SRRM4: variants seen among roughly 807,000 people sequenced by gnomAD.
The protein encoded by SRRM4 is serine/arginine repetitive matrix 4, also known as serine/arginine repetitive matrix protein 4.
In SRRM4, 33 loss-of-function variants were observed where a neutral mutation model predicts 68.9. That is an observed-to-expected ratio of 0.48 (90% CI 0.36 to 0.64). The LOEUF (loss-of-function observed/expected upper bound fraction) is 0.64. Ranked by LOEUF, SRRM4 falls within the 30% of genes least tolerant of loss-of-function variation. SRRM4 has a pLI of 0.00. For missense variants in SRRM4, 817 were observed against 827.1 expected (o/e 0.99, Z 0.15); for synonymous variants, 318 against 318.8 (o/e 1.00, Z 0.03).
Position 119,147,260 on chromosome 12 carries a change from C to T in SRRM4, c.1076+1575C>T, listed in dbSNP as rs145739869. ...CAACTGTATGACATTCTGGAAAAGGCAAAACTATGGAGAAAGTACAAAGAT... is the reference window on the plus strand; with the variant it reads ...CAACTGTATGACATTCTGGAAAAGGTAAAACTATGGAGAAAGTACAAAGAT... On this transcript the variant is annotated intron_variant, in intron 9 of 12. Transcript: ENST00000267260. Among the ~76,000 whole-genome samples the T allele has an allele frequency of 2.2e-3, 332 of 152,232 alleles. 3 individuals carry two copies. Among genetic ancestry groups the T allele is most frequent in the African/African-American group, 7.7e-3 (320 of 41,536 alleles).
rs1294250259 is a variant in SRRM4, at chr12:119,072,034, G to A, written c.132-30202G>A. On this transcript the variant is annotated intron_variant, in intron 1 of 12. Coordinates refer to ENST00000267260, the MANE Select transcript of SRRM4 (RefSeq NM_194286.4). ...ATTGCCTCTGCCACTTACCAAATGGGACGCTGTCAGCTTCTCCAAGGCTCA... is the reference window on the plus strand; with the variant it reads ...ATTGCCTCTGCCACTTACCAAATGGAACGCTGTCAGCTTCTCCAAGGCTCA... Among the ~76,000 whole-genome samples the A allele has an allele frequency of 4.6e-5, 7 of 152,174 alleles. 1 individual carries two copies. The highest frequency in any genetic ancestry group is 7.3e-5 in the Non-Finnish European group (5 of 68,042).
intron 1 of SRRM4, among the ~76,000 whole-genome samples, chr12:118,991,157 T>C (rs1953314447): frequency 6.6e-6 from 1 of 152,194 alleles, no homozygotes; most frequent in Non-Finnish European, 1.5e-5. Flanking sequence ...CTCTAGCCTC[T>C]TCATGGTCCA....
intron 1 of SRRM4, among the ~76,000 whole-genome samples, chr12:119,013,481 A>AC (rs760851124): frequency 5.0e-4 from 76 of 151,934 alleles, no homozygotes; most frequent in Non-Finnish European, 9.3e-4. Context: ...GTATTAAAAA[A>AC]CCCCAAAATT....
At chr12:119,077,275 G>A (rs1411628243) in intron 1 of SRRM4, among the ~76,000 whole-genome samples, 1 of 152,066 alleles carries the variant, frequency 6.6e-6, no homozygotes, top group Non-Finnish European at 1.5e-5. Flanking sequence ...CAAATCCTGG[G>A]GTCTGATGTG....
intron 1 of SRRM4, among the ~76,000 whole-genome samples, chr12:119,043,244 A>G (rs1036533148): frequency 6.6e-6 from 1 of 152,172 alleles, no homozygotes; most frequent in Non-Finnish European, 1.5e-5. Context: ...TTGCAGGGCC[A>G]TGGATGGAGC....
chr12:119,052,973 G>A (rs1953754413), intron 1 of SRRM4, among the ~76,000 whole-genome samples: 1 of 152,230 alleles, frequency 6.6e-6, no homozygotes, highest in African/African-American at 2.4e-5. Flanking sequence ...GAGATTTGAG[G>A]TGGCTGCATA....
At chr12:119,076,098 TAAC>T (rs1489636461) in intron 1 of SRRM4, among the ~76,000 whole-genome samples, 1 of 151,970 alleles carries the variant, frequency 6.6e-6, no homozygotes, top group East Asian at 1.9e-4. Flanking sequence ...ATGGTGACGA[TAAC>T]AATGGTGATG....
intron 1 of SRRM4, among the ~76,000 whole-genome samples, chr12:119,012,084 T>G (rs1953452951): frequency 6.6e-6 from 1 of 152,232 alleles, no homozygotes; most frequent in Non-Finnish European, 1.5e-5. Context: ...TATTAGACAG[T>G]GTCCTGATAT....
chr12:119,109,124 T>C (rs370786753), intron 2 of SRRM4, among the ~76,000 whole-genome samples: 11,691 of 152,176 alleles, frequency 0.077, 501 homozygotes, highest in Admixed American at 0.1. Flanking sequence ...GAAAATTCTT[T>C]TCTTTAAGAA....
chr12:119,043,886 A>G (rs1953687400), intron 1 of SRRM4, among the ~76,000 whole-genome samples: 1 of 151,348 alleles, frequency 6.6e-6, no homozygotes, highest in Non-Finnish European at 1.5e-5. Context: ...GTTTTTTGAG[A>G]CGGAGTTTTG....
chr12:119,118,096 C>G (rs1053371593), intron 4 of SRRM4, among the ~76,000 whole-genome samples: 1 of 152,188 alleles, frequency 6.6e-6, no homozygotes, highest in Non-Finnish European at 1.5e-5. Flanking sequence ...CAACCATCCC[C>G]TGGAGCTGAG....
chr12:119,053,560 T>G (rs1953757885), intron 1 of SRRM4, among the ~76,000 whole-genome samples: 2 of 152,180 alleles, frequency 1.3e-5, no homozygotes, highest in South Asian at 4.1e-4. Context: ...ACGCAGATAA[T>G]AAATTTCCTA....
rs567737167 is a variant in SRRM4 at position 119,047,707 on chromosome 12, G to A, written c.132-54529G>A. Among the ~76,000 whole-genome samples the A allele has an allele frequency of 1.5e-4, 23 of 152,330 alleles. 1 individual carries two copies. In the East Asian group the frequency reaches 4.2e-3, roughly 28 times the overall value. On this transcript the variant is annotated intron_variant, in intron 1 of 12. Transcript: ENST00000267260. ...AGTGGTCACCTGGACAAGTTCCAACGTGATGGTAGAAGTGCAAGAGAGGCA... is the reference window on the plus strand; with the variant it reads ...AGTGGTCACCTGGACAAGTTCCAACATGATGGTAGAAGTGCAAGAGAGGCA...
In SRRM4 at chr12:119,145,638, G is replaced by T. The variant is rs1954397351; in HGVS notation, c.1029G>T (p.Gly343=). ...CCACCTCCTCACCCCAGAACAAGGG[G>T]GCCATGTTGGAGAATCTCTCCCCCA... The part of the protein sequence containing the change: ...SFTTSSPQNK[G]AMLENLSPTS... The change falls in exon 9 of 13, where the codon GGG becomes GGT. Residue 343 remains glycine, a synonymous_variant. Coordinates refer to ENST00000267260, the MANE Select transcript of SRRM4 (RefSeq NM_194286.4). 1.3e-6 allele frequency: 2 copies of T among 1,533,812 alleles called. No individual in the cohort carries two copies. The highest frequency in any genetic ancestry group is 1.4e-5 in the African/African-American group (1 of 72,096).
chr12:119,156,604 A>C lies in SRRM4; in HGVS notation c.1642A>C (p.Ser548Arg), dbSNP rs1183838225. 1 of 1,610,832 alleles carries C rather than the reference A, an allele frequency of 6.2e-7. No homozygotes were observed. The highest frequency in any genetic ancestry group is 8.5e-7 in the Non-Finnish European group (1 of 1,179,582). The part of the protein sequence containing the change: ...SSSSSRSASR[S>R]YSRSRSRSRS... ...CAGCAGTAGCCGCTCGGCCAGCCGC[A>C]GCTACTCCCGGAGCCGGAGTCGGAG... is the stretch of plus-strand genomic sequence containing the variant. The change falls in exon 13 of 13, where the codon AGC becomes CGC. Residue 548 changes from serine (S) to arginine (R), a missense_variant. Physicochemically the swap from Ser to Arg is moderately radical, Grantham distance 110. Transcript: ENST00000267260.
chr12:119,116,023 A>C (rs996824608), intron 3 of SRRM4, among the ~76,000 whole-genome samples: 2 of 152,152 alleles, frequency 1.3e-5, no homozygotes, highest in South Asian at 2.1e-4. Flanking sequence ...TCTGAGAAGC[A>C]GACTCCCCTC....
chr12:119,028,838 A>T (rs1953567457), intron 1 of SRRM4, among the ~76,000 whole-genome samples: 1 of 152,206 alleles, frequency 6.6e-6, no homozygotes, highest in South Asian at 2.1e-4. Context: ...AATAAATTTG[A>T]ATCGGTGATC....
In SRRM4 at chr12:119,145,698, C is replaced by T; in HGVS notation, c.1076+13C>T. 6.7e-7 allele frequency: 1 copy of T among 1,503,602 alleles called. No homozygotes were observed. Among genetic ancestry groups the T allele is most frequent in the African/African-American group, 1.4e-5 (1 of 71,192 alleles). 93.1% of individuals were successfully genotyped at this position (1,503,602 alleles called of 1,614,324 possible). A position where few individuals can be genotyped will look rare whatever the true frequency, so the allele number is the denominator to read the frequency against. ...GCAGAGAGTCAAGGTCAGTGCACCA[C>T]ACAGGGTCGGGGGTAGACGGTCTCC... is the stretch of plus-strand genomic sequence containing the variant. On this transcript the variant is annotated intron_variant, in intron 9 of 12. Coordinates refer to ENST00000267260, the MANE Select transcript of SRRM4 (RefSeq NM_194286.4).
chr12:119,126,162 T>A (rs1219485369), intron 7 of SRRM4, among the ~76,000 whole-genome samples: 1 of 151,016 alleles, frequency 6.6e-6, no homozygotes, highest in African/African-American at 2.4e-5. Flanking sequence ...TAGCTGGGAC[T>A]ACAGGCGCCC....
Sources: allele counts gnomAD v4.1 joint callset (sites outside exome capture counted in the v4.1 genomes callset), GRCh38; gene constraint gnomAD v4.1.1; transcripts MANE v1.5; gene names NCBI Gene and HGNC (gene_info 2026-07-23, HGNC 2026-07-21).